The following DOCK10 variants were observed in gnomAD, a reference collection of about 807,000 sequenced individuals.
DOCK10 encodes the protein dedicator of cytokinesis 10, also known as dedicator of cytokinesis protein 10.
Under a neutral mutation model 280.1 loss-of-function variants are expected in DOCK10, and 145 were observed. That is an observed-to-expected ratio of 0.52 (90% CI 0.45 to 0.59). The LOEUF (loss-of-function observed/expected upper bound fraction) is 0.59. DOCK10 is among the 20% of genes least tolerant of loss of function. The pLI, the probability that DOCK10 is intolerant of heterozygous loss-of-function variation, is 0.00. For synonymous variants in DOCK10, 915 were observed against 942.2 expected, an observed-to-expected ratio of 0.97 and a Z score of 0.53; for missense variants, 2,368 against 2,651.7, an observed-to-expected ratio of 0.89 and a Z score of 2.35.
chr2:224,987,036 G>A (rs1705993647), intron 1 of DOCK10, among the ~76,000 whole-genome samples: 2 of 152,282 alleles, frequency 1.3e-5, no homozygotes, highest in South Asian at 4.1e-4. Context: ...CCTCTGGCCA[G>A]CAGAACATGG....
intron 1 of DOCK10, among the ~76,000 whole-genome samples, chr2:224,938,625 G>A (rs1575086669): frequency 6.6e-6 from 1 of 152,152 alleles, no homozygotes; most frequent in Non-Finnish European, 1.5e-5. Flanking sequence ...AGATTTCTTA[G>A]AAGAAATAGA....
chr2:224,989,156 A>G (rs987307161), intron 1 of DOCK10, among the ~76,000 whole-genome samples: 2 of 152,130 alleles, frequency 1.3e-5, no homozygotes, highest in Non-Finnish European at 2.9e-5. Flanking sequence ...TGCAGAGGGA[A>G]CCAGCCACTT....
chr2:224,792,047 T>C (rs544762954), intron 47 of DOCK10, among the ~76,000 whole-genome samples: 1 of 152,188 alleles, frequency 6.6e-6, no homozygotes, highest in South Asian at 2.1e-4. Flanking sequence ...ATTTTTGCAA[T>C]TGAATGTAGA....
chr2:224,889,553 C>G (rs1182332986), intron 4 of DOCK10, among the ~76,000 whole-genome samples: 1 of 152,210 alleles, frequency 6.6e-6, no homozygotes, highest in Non-Finnish European at 1.5e-5. Flanking sequence ...TGCCATTTCT[C>G]TCTTCCAAAG....
intron 14 of DOCK10, among the ~76,000 whole-genome samples, chr2:224,857,453 G>C (rs892394196): frequency 6.6e-6 from 1 of 152,156 alleles, no homozygotes; most frequent in Non-Finnish European, 1.5e-5. Flanking sequence ...CATTTTCATG[G>C]AGCTAAATGT....
intron 1 of DOCK10, among the ~76,000 whole-genome samples, chr2:224,943,135 A>G (rs1482298119): frequency 6.6e-6 from 1 of 152,198 alleles, no homozygotes; most frequent in Non-Finnish European, 1.5e-5. Context: ...ACACATTTCA[A>G]AAATTAAGGG....
At chr2:224,882,740 G>T (rs556570418) in intron 7 of DOCK10, among the ~76,000 whole-genome samples, 1 of 152,272 alleles carries the variant, frequency 6.6e-6, no homozygotes, top group South Asian at 2.1e-4. Flanking sequence ...AAACTGGTCT[G>T]ATTCATCCTA....
chr2:224,906,512 G>A (rs1236393926), intron 3 of DOCK10, among the ~76,000 whole-genome samples: 2 of 151,638 alleles, frequency 1.3e-5, no homozygotes, highest in African/African-American at 2.4e-5. Flanking sequence ...CTCCCAGGCT[G>A]GAGTGCAGTG....
At chr2:225,027,208 C>T (rs890064177) in intron 1 of DOCK10, among the ~76,000 whole-genome samples, 1 of 152,176 alleles carries the variant, frequency 6.6e-6, no homozygotes, top group East Asian at 1.9e-4. Flanking sequence ...ACACAGACCT[C>T]GCCTGCACAC....
intron 1 of DOCK10, chr2:224,982,593 C>A: frequency 3.5e-6 from 3 of 861,608 alleles, no homozygotes; most frequent in Non-Finnish European, 4.2e-6. Context: ...TAGAGCACTG[C>A]GCTCAGAAAG....
At chr2:225,035,470 C>A (rs1237883968) in intron 1 of DOCK10, among the ~76,000 whole-genome samples, 1 of 134,326 alleles carries the variant, frequency 7.4e-6, no homozygotes, top group African/African-American at 2.6e-5. Flanking sequence ...TCTGATATCA[C>A]CATTTTTTTT....
At chr2:224,912,903 G>A (rs1412020119) in intron 3 of DOCK10, among the ~76,000 whole-genome samples, 3 of 152,086 alleles carry the variant, frequency 2.0e-5, no homozygotes, top group African/African-American at 7.2e-5. Context: ...GTGGGCGCCT[G>A]CAATCCCAAC....
At chr2:224,947,916 T>C (rs545231581) in intron 1 of DOCK10, among the ~76,000 whole-genome samples, 26 of 152,360 alleles carry the variant, frequency 1.7e-4, no homozygotes, top group African/African-American at 6.3e-4. Context: ...TAGTTAAATA[T>C]ATGTTTAATA....
intron 53 of DOCK10, among the ~76,000 whole-genome samples, chr2:224,771,663 G>T (rs1690447402): frequency 6.6e-6 from 1 of 152,216 alleles, no homozygotes; most frequent in South Asian, 2.1e-4. Flanking sequence ...GACTTCAGGG[G>T]CCTGTGACCA....
rs1281753045 is a variant in DOCK10 at position 224,787,048 on chromosome 2, A to G, written c.5629T>C (p.Tyr1877His). The G allele has an allele frequency of 1.2e-6, 2 of 1,614,006 alleles. No individual in the cohort carries two copies. The highest frequency in any genetic ancestry group is 8.5e-7 in the Non-Finnish European group (1 of 1,179,852). Residue 1877 changes from tyrosine (Y) to histidine (H), a missense_variant, in exon 50 of 56, where the codon TAC becomes CAC. Transcript: ENST00000258390. The part of the protein sequence containing the change: ...VNSEKRLFGR[Y>H]YRVAFYGQGF... ...TGCCCATAAAATGCCACACGATAGT[A>G]GCGACCAAACAGCCGCTTCTCCGAA...
chr2:224,911,675 T>C (rs998869764), intron 3 of DOCK10, among the ~76,000 whole-genome samples: 10 of 152,174 alleles, frequency 6.6e-5, no homozygotes, highest in Non-Finnish European at 1.5e-4. Context: ...TCTGAAAGCC[T>C]TGGGTTCTAG....
At chr2:224,901,601 T>C (rs1255309971) in intron 3 of DOCK10, among the ~76,000 whole-genome samples, 1 of 152,228 alleles carries the variant, frequency 6.6e-6, no homozygotes, top group Non-Finnish European at 1.5e-5. Context: ...CTAAAACGTA[T>C]ATGTCCATGG....
chr2:224,834,332 G>A (rs1021432302), intron 25 of DOCK10, 69 bp from the exon 26 acceptor site: 22 of 908,994 alleles, frequency 2.4e-5, no homozygotes, highest in African/African-American at 2.3e-4. Context: ...ACTATGTCAT[G>A]TGAATAACTT....
intron 2 of DOCK10, among the ~76,000 whole-genome samples, chr2:224,917,556 T>C (rs1223606020): frequency 6.6e-6 from 1 of 152,064 alleles, no homozygotes; most frequent in Non-Finnish European, 1.5e-5. Context: ...TAGTTGTAGT[T>C]AGGGGTGGGA....
Sources: allele counts gnomAD v4.1 joint callset (sites outside exome capture counted in the v4.1 genomes callset), GRCh38; gene constraint gnomAD v4.1.1; transcripts MANE v1.5; gene names NCBI Gene and HGNC (gene_info 2026-07-23, HGNC 2026-07-21).